MYO7B: variants seen among roughly 807,000 people sequenced by gnomAD.
MYO7B encodes the protein unconventional myosin-VIIb.
Under a neutral mutation model 259.7 loss-of-function variants are expected in MYO7B, and 212 were observed. The ratio of observed to expected loss-of-function variants is 0.82; its 90% CI spans 0.73 to 0.91. MYO7B has a LOEUF of 0.91. Among genes scored for constraint, MYO7B ranks in the 40% least tolerant of loss-of-function variants. The pLI, the probability that MYO7B is intolerant of heterozygous loss-of-function variation, is 0.00. For synonymous variants in MYO7B, 1,197 were observed against 1,166.4 expected (o/e 1.03, Z -0.54); for missense variants, 2,732 against 2,813.5 (o/e 0.97, Z 0.66).
chr2:127,600,580 G>A (rs1040020788), intron 19 of MYO7B, among the ~76,000 whole-genome samples: 2 of 152,164 alleles, frequency 1.3e-5, no homozygotes, highest in African/African-American at 4.8e-5. Flanking sequence ...TATGGTGGCA[G>A]GCGCTTGTAA....
At chr2:127,582,663 C>A (rs576329178) in intron 12 of MYO7B, among the ~76,000 whole-genome samples, 1 of 152,214 alleles carries the variant, frequency 6.6e-6, no homozygotes, top group Non-Finnish European at 1.5e-5. Context: ...GCTAAGGCCC[C>A]GGCATTTGTC....
At chr2:127,552,224 G>A (rs1308093648) in intron 1 of MYO7B, among the ~76,000 whole-genome samples, 1 of 152,108 alleles carries the variant, frequency 6.6e-6, no homozygotes, top group Non-Finnish European at 1.5e-5. Context: ...GTACAGTGAG[G>A]GTGTTTCAAT....
chr2:127,549,174 T>G (rs566542590), intron 1 of MYO7B, among the ~76,000 whole-genome samples: 1 of 142,538 alleles, frequency 7.0e-6, no homozygotes, highest in Non-Finnish European at 1.5e-5. Context: ...CTTTCTTTCT[T>G]TCTTTCTTTC....
chr2:127,559,602 T>C lies in MYO7B; in HGVS notation c.-23-98T>C. On this transcript the variant is annotated intron_variant, in intron 1 of 47. Coordinates refer to ENST00000409816, the MANE Select transcript of MYO7B (RefSeq NM_001393586.1). This position sits in a 1 kb window ranked among gnomAD's most constrained non-coding sequence, Gnocchi z 4.1. The stretch of plus-strand genomic sequence containing the variant: ...TTGAGCCAGGTCCCATGCCGGGCAC[T>C]TAGGGAAGTGTTGGTGAACAAGCCC... The C allele has an allele frequency of 9.0e-7, 1 of 1,106,504 alleles. No individual in the cohort carries two copies. The highest frequency in any genetic ancestry group is 1.4e-6 in the Non-Finnish European group (1 of 722,638). 68.5% of individuals were successfully genotyped at this position (1,106,504 alleles called of 1,614,324 possible).
At chr2:127,553,244 T>A (rs1179721250) in intron 1 of MYO7B, among the ~76,000 whole-genome samples, 1 of 152,196 alleles carries the variant, frequency 6.6e-6, no homozygotes, top group Admixed American at 6.5e-5. Context: ...CTATGGGGGA[T>A]CTTTTTTGGT....
chr2:127,570,531 G>C (rs569490140), intron 6 of MYO7B, among the ~76,000 whole-genome samples: 1 of 152,372 alleles, frequency 6.6e-6, no homozygotes, highest in Non-Finnish European at 1.5e-5. Context: ...CTGCCCAGAA[G>C]CCCGTGGCCT....
chr2:127,562,007 AAGAG>A (rs200378510), intron 2 of MYO7B, among the ~76,000 whole-genome samples: 7 of 149,704 alleles, frequency 4.7e-5, no homozygotes, highest in African/African-American at 1.5e-4. Flanking sequence ...GAGAAAGAAA[AAGAG>A]AGAGAGAGAG....
Position 127,634,958 on chromosome 2 carries a change from G to C in MYO7B, c.5714-162G>C, listed in dbSNP as rs550175505. 73 of 664,456 alleles carry C rather than the reference G, an allele frequency of 1.1e-4. 1 individual carries two copies. The South Asian group carries it at 1.2e-3, about 11-fold the overall frequency. 41.2% of individuals were successfully genotyped at this position (664,456 alleles called of 1,614,324 possible). A position where few individuals can be genotyped will look rare whatever the true frequency, so the allele number is the denominator to read the frequency against. ...TCCAGGAATGTTCCTGGAGAAGGCAGCCTCTACACTAATATTGAAGGAAAA... is the reference window on the plus strand; with the variant it reads ...TCCAGGAATGTTCCTGGAGAAGGCACCCTCTACACTAATATTGAAGGAAAA... On this transcript the variant is annotated intron_variant, in intron 42 of 47. Coordinates refer to ENST00000409816, the MANE Select transcript of MYO7B (RefSeq NM_001393586.1).
At chr2:127,589,205 G>T (rs1679442412) in intron 15 of MYO7B, among the ~76,000 whole-genome samples, 1 of 147,334 alleles carries the variant, frequency 6.8e-6, no homozygotes, top group African/African-American at 2.5e-5. Flanking sequence ...ATGGATGGGT[G>T]GATGGGTGAG....
chr2:127,635,900 G>A lies in MYO7B; in HGVS notation c.5999G>A (p.Trp2000Ter). 1.9e-6 allele frequency: 3 copies of A among 1,569,262 alleles called. No individual in the cohort carries two copies. Among genetic ancestry groups the A allele is most frequent in the Non-Finnish European group, 2.6e-6 (3 of 1,157,672 alleles). ...NLTRLMSSEEWKKSILLAYDK... is the reference protein window; with the variant it reads ...NLTRLMSSEE ...ACACGCCTGATGTCCTCGGAGGAGT[G>A]GAAAAAGGTCCCTGGTCGGGCTGGG... The change falls in exon 44 of 48, where the codon TGG (tryptophan) becomes TAG (stop). Residue 2000 changes from tryptophan (W) to a stop codon, truncating the protein, a stop_gained. Transcript: ENST00000409816. LOFTEE classifies it high-confidence loss of function.
In MYO7B at chr2:127,627,015, G is replaced by A. The variant is rs535939017; in HGVS notation, c.4256G>A (p.Arg1419Gln). ...TQKQVTPLAV[R>Q]EQVVDAARLQ... ...AAGCAAGTCACACCACTGGCCGTGC[G>A]AGAGCAGGTGGTGGACGCCGCCCGC... Residue 1419 changes from arginine to glutamine, a missense_variant, in exon 32 of 48, where the codon CGA becomes CAA. This residue lies in a region of MYO7B where 1,906 missense variants were observed against 2,026.4 expected (regional missense o/e 0.94). Transcript: ENST00000409816. This position sits in a 1 kb window ranked among gnomAD's most constrained non-coding sequence, Gnocchi z 5.6. The A allele has an allele frequency of 1.1e-5, 18 of 1,611,336 alleles. No individual in the cohort carries two copies. Among genetic ancestry groups the A allele is most frequent in the African/African-American group, 2.7e-5 (2 of 75,018 alleles).
chr2:127,572,546 CCTTT>C (rs1474699055), intron 6 of MYO7B, among the ~76,000 whole-genome samples: 12 of 149,406 alleles, frequency 8.0e-5, no homozygotes, highest in African/African-American at 2.5e-4. Flanking sequence ...CTCCTTCCTT[CCTTT>C]CTTTTTCTCC....
At chr2:127,552,676 C>T (rs1693490883) in intron 1 of MYO7B, among the ~76,000 whole-genome samples, 1 of 152,114 alleles carries the variant, frequency 6.6e-6, no homozygotes, top group African/African-American at 2.4e-5. Flanking sequence ...GATGCTGCAG[C>T]GGGGAGGAGG....
chr2:127,592,829 A>C lies in MYO7B; in HGVS notation c.2028A>C (p.Arg676=), dbSNP rs1362285559. The change falls in exon 17 of 48, where the codon CGA becomes CGC. Residue 676 remains arginine (R), a synonymous_variant. Coordinates refer to ENST00000409816, the MANE Select transcript of MYO7B (RefSeq NM_001393586.1). ...GGGAGCTGTGCCTGCGGCAGCTGCG[A>C]TACTCGGGCATGATGGAGACCGTGC... ...FDRELCLRQL[R]YSGMMETVHI... The C allele has an allele frequency of 6.2e-7, 1 of 1,610,112 alleles. No individual in the cohort carries two copies. The highest frequency in any genetic ancestry group is 2.2e-5 in the East Asian group (1 of 44,778).
intron 2 of MYO7B, among the ~76,000 whole-genome samples, chr2:127,560,039 T>G (rs1329987141): frequency 6.6e-6 from 1 of 151,252 alleles, no homozygotes; most frequent in Non-Finnish European, 1.5e-5. Context: ...TCTTTTTTTT[T>G]TTTTTCAGAC....
intron 10 of MYO7B, 104 bp from the exon 11 acceptor site, chr2:127,581,787 A>T: frequency 6.6e-7 from 1 of 1,507,308 alleles, no homozygotes; most frequent in Non-Finnish European, 9.0e-7. Flanking sequence ...CGGTGGGCAT[A>T]GGTGCTTGGT....
rs1679966675 is a variant in MYO7B at position 127,601,650 on chromosome 2, T to C, written c.2340-4194T>C. On this transcript the variant is annotated intron_variant, in intron 19 of 47. Coordinates refer to ENST00000409816, the MANE Select transcript of MYO7B (RefSeq NM_001393586.1). ...TTTTGATTACTATTTACATGATCTA[T>C]ATTTTTCATCCTTTTACTTTCGGCC... Among the ~76,000 whole-genome samples, 3 of 152,372 alleles carry C rather than the reference T, an allele frequency of 2.0e-5. No individual in the cohort carries two copies. The South Asian group carries it at 6.2e-4, about 32-fold the overall frequency.
In MYO7B at chr2:127,585,369, C is replaced by T. The variant is rs1558817201; in HGVS notation, c.1690+456C>T. 6.6e-6 allele frequency among the ~76,000 whole-genome samples: 1 copy of T among 152,150 alleles called. No individual in the cohort carries two copies. Among genetic ancestry groups the T allele is most frequent in the Non-Finnish European group, 1.5e-5 (1 of 68,036 alleles). On this transcript the variant is annotated intron_variant, in intron 14 of 47. Coordinates refer to ENST00000409816, the MANE Select transcript of MYO7B (RefSeq NM_001393586.1). The surrounding 1 kb of genome is among the most constrained non-coding windows in gnomAD (Gnocchi z 4.3). ...GGTCTTCTGTGGCTGGTTTCTTTCACTTAGCATCATGTTTTCAAGGTTCAT... is the reference window on the plus strand; with the variant it reads ...GGTCTTCTGTGGCTGGTTTCTTTCATTTAGCATCATGTTTTCAAGGTTCAT...
At position 127,614,031 on chromosome 2, in the gene MYO7B, T is replaced by C. The variant is rs968125866; in HGVS notation, c.3398+1428T>C. The stretch of plus-strand genomic sequence containing the variant: ...ACTACAGGGCTTCTCAAGTTTTAGC[T>C]GCCTGCATGACACTAGCTGGGCAAG... On this transcript the variant is annotated intron_variant, in intron 26 of 47. Coordinates refer to ENST00000409816, the MANE Select transcript of MYO7B (RefSeq NM_001393586.1). This position sits in a 1 kb window ranked among gnomAD's most constrained non-coding sequence, Gnocchi z 4.6. Among the ~76,000 whole-genome samples, 9 of 152,222 alleles carry C rather than the reference T, an allele frequency of 5.9e-5. No individual in the cohort carries two copies. The highest frequency in any genetic ancestry group is 2.2e-4 in the African/African-American group (9 of 41,462).
Sources: allele counts gnomAD v4.1 joint callset (sites outside exome capture counted in the v4.1 genomes callset), GRCh38; gene constraint gnomAD v4.1.1; regional missense constraint gnomAD v4.1.1; non-coding constraint Gnocchi (gnomAD v3.1); transcripts MANE v1.5; gene names NCBI Gene and HGNC (gene_info 2026-07-23, HGNC 2026-07-21).